Variants in HDAC9 observed in about 807,000 individuals in gnomAD.
HDAC9 encodes the protein histone deacetylase 9.
A neutral mutation model predicts 139.4 loss-of-function variants in HDAC9; 41 were observed. That is an observed-to-expected ratio of 0.29 (90% CI 0.23 to 0.38). HDAC9 has a LOEUF of 0.38. Among genes scored for constraint, HDAC9 ranks in the 10% least tolerant of loss-of-function variants. The pLI is 1.00. For synonymous variants in HDAC9, 517 were observed against 476.2 expected, an observed-to-expected ratio of 1.09 and a Z score of -1.12; for missense variants, 1,147 against 1,297.0, an observed-to-expected ratio of 0.88 and a Z score of 1.78.
At chr7:18,881,573 C>G (rs1799741373) in intron 22 of HDAC9, among the ~76,000 whole-genome samples, 1 of 151,980 alleles carries the variant, frequency 6.6e-6, no homozygotes, top group Non-Finnish European at 1.5e-5. Flanking sequence ...TGACTCTATA[C>G]CTATCTTAAA....
chr7:18,867,702 A>G (rs1489670092), intron 21 of HDAC9, among the ~76,000 whole-genome samples: 2 of 152,054 alleles, frequency 1.3e-5, no homozygotes, highest in Non-Finnish European at 2.9e-5. Flanking sequence ...AAATTCATAT[A>G]CTTGAGTATT....
chr7:18,203,870 C>T (rs560407142), intron 2 of HDAC9, among the ~76,000 whole-genome samples: 4 of 152,176 alleles, frequency 2.6e-5, no homozygotes, highest in East Asian at 1.9e-4. Context: ...TTACATTTAT[C>T]GAAAGTAAAA....
chr7:18,222,549 T>C (rs1792778327), intron 2 of HDAC9, among the ~76,000 whole-genome samples: 1 of 152,172 alleles, frequency 6.6e-6, no homozygotes, highest in Admixed American at 6.5e-5. Context: ...CTGGACAGTA[T>C]ACATTAAAAA....
chr7:18,647,738 C>A (rs745612511), intron 9 of HDAC9, 47 bp from the exon 10 acceptor site: 7 of 1,476,602 alleles, frequency 4.7e-6, no homozygotes, highest in African/African-American at 1.4e-5. Flanking sequence ...ACCCAGTGAC[C>A]CACATGGATG....
At chr7:18,762,311 A>C (rs1006541520) in intron 15 of HDAC9, 34 bp downstream of exon 15, 2 of 1,607,078 alleles carry the variant, frequency 1.2e-6, no homozygotes, top group Non-Finnish European at 1.7e-6. Flanking sequence ...TGGGAACAGC[A>C]CATTCCAGCA....
intron 1 of HDAC9, among the ~76,000 whole-genome samples, chr7:18,449,630 A>G (rs1792625852): frequency 6.6e-6 from 1 of 152,192 alleles, no homozygotes; most frequent in African/African-American, 2.4e-5. Flanking sequence ...AAAAGTTTAC[A>G]TAAAATAAAA....
At chr7:18,507,170 A>ATATTATTATTATCATTATTAT (rs371255551) in intron 2 of HDAC9, among the ~76,000 whole-genome samples, 1 of 144,326 alleles carries the variant, frequency 6.9e-6, no homozygotes, top group African/African-American at 2.6e-5. Flanking sequence ...TATTCATTAC[A>ATATTATTATTATCATTATTAT]TATTATTATT....
At chr7:18,337,423 T>C (rs911741283) in intron 1 of HDAC9, among the ~76,000 whole-genome samples, 2 of 151,704 alleles carry the variant, frequency 1.3e-5, no homozygotes, top group Non-Finnish European at 3.0e-5. Context: ...AAGCAGCTTA[T>C]TTTTTTAACA....
chr7:18,087,115 C>T (rs1473760758), exon 1 of HDAC9: 1 of 151,332 alleles, frequency 6.6e-6, no homozygotes, highest in Non-Finnish European at 1.5e-5. Context: ...ATTCTCTTCT[C>T]CTCCTCGAAA....
chr7:18,489,460 A>G (rs1796206624), intron 1 of HDAC9, among the ~76,000 whole-genome samples: 1 of 152,042 alleles, frequency 6.6e-6, no homozygotes, highest in East Asian at 1.9e-4. Flanking sequence ...ATAATTCTCT[A>G]TCATCCTTAT....
In HDAC9 at chr7:18,916,022, G is replaced by GAAAAAAAAAAAAAA. The variant is rs55866735; in HGVS notation, c.2804-19784_2804-19771dup. Among the ~76,000 whole-genome samples the GAAAAAAAAAAAAAA allele has an allele frequency of 2.1e-3, 291 of 138,066 alleles. 1 individual carries two copies. The highest frequency in any genetic ancestry group is 6.6e-3 in the African/African-American group (250 of 37,844). 90.6% of individuals were successfully genotyped at this position (138,066 alleles called of 152,430 possible). A position where few individuals can be genotyped will look rare whatever the true frequency, so the allele number is the denominator to read the frequency against. On this transcript the variant is annotated intron_variant, in intron 22 of 25. Transcript: ENST00000686413. The stretch of plus-strand genomic sequence containing the variant: ...CAGACCCTCCTCTCACCCCCCGCTG[G>GAAAAAAAAAAAAAA]AAAAAAAAAAAAAAAACAGAAAAAG...
chr7:18,593,581 C>G (rs982786646), intron 5 of HDAC9, among the ~76,000 whole-genome samples: 2 of 152,118 alleles, frequency 1.3e-5, no homozygotes, highest in African/African-American at 4.8e-5. Flanking sequence ...GAGATGATGA[C>G]TTTTCCCCTA....
intron 8 of HDAC9, among the ~76,000 whole-genome samples, chr7:18,642,393 GT>G (rs1785948523): frequency 6.6e-6 from 1 of 152,080 alleles, no homozygotes; most frequent in Non-Finnish European, 1.5e-5. Flanking sequence ...TCTTCCAGCA[GT>G]GGCTGCAGAG....
chr7:18,850,882 G>T lies in HDAC9; in HGVS notation c.2684+14885G>T, dbSNP rs548238167. Among the ~76,000 whole-genome samples, 15 of 152,234 alleles carry T rather than the reference G, an allele frequency of 9.9e-5. No homozygotes were observed. In the South Asian group the frequency reaches 2.5e-3, roughly 25 times the overall value. ...AATCCTCACATGGTGGAAGGGTGAG[G>T]CAACTCTGTAGGTTTTCTTTCACAA... On this transcript the variant is annotated intron_variant, in intron 21 of 25. Transcript: ENST00000686413.
chr7:18,446,224 T>C (rs1479921309), intron 1 of HDAC9, among the ~76,000 whole-genome samples: 3 of 152,366 alleles, frequency 2.0e-5, no homozygotes, highest in East Asian at 1.9e-4. Flanking sequence ...GTATCTAATT[T>C]GGAATTCAGA....
intron 2 of HDAC9, among the ~76,000 whole-genome samples, chr7:18,166,614 T>TGCAA (rs1489394025): frequency 6.6e-6 from 1 of 152,204 alleles, no homozygotes; most frequent in Non-Finnish European, 1.5e-5. Flanking sequence ...AAAGCTTCTC[T>TGCAA]GCAAGCATTT....
chr7:18,206,311 T>C (rs1791507177), intron 2 of HDAC9, among the ~76,000 whole-genome samples: 1 of 152,222 alleles, frequency 6.6e-6, no homozygotes, highest in Non-Finnish European at 1.5e-5. Flanking sequence ...ATTTCTGGAA[T>C]TCTGCTCATA....
chr7:18,574,983 C>T (rs1008191965), intron 2 of HDAC9, among the ~76,000 whole-genome samples: 6 of 152,224 alleles, frequency 3.9e-5, no homozygotes, highest in African/African-American at 9.6e-5. Flanking sequence ...GTGAGGCTCC[C>T]GCCTGTTCCC....
intron 6 of HDAC9, among the ~76,000 whole-genome samples, chr7:18,616,220 T>G (rs1006901455): frequency 5.9e-5 from 9 of 152,354 alleles, no homozygotes; most frequent in African/African-American, 2.2e-4. Flanking sequence ...CTTTACCACC[T>G]AATGTGATAC....
Sources: gnomAD v4.1 joint callset for allele counts (sites outside exome capture counted in the v4.1 genomes callset) on GRCh38, gnomAD v4.1.1 for gene constraint, MANE v1.5 for transcripts, NCBI Gene and HGNC (gene_info 2026-07-23, HGNC 2026-07-21) for gene names.